DSTYK: variants seen among roughly 807,000 people sequenced by gnomAD.
The protein encoded by DSTYK is RIP-homologous kinase.
A neutral mutation model predicts 98.7 loss-of-function variants in DSTYK; 34 were observed. The observed-to-expected ratio is 0.34, with a 90% CI of 0.26 to 0.46. The LOEUF (loss-of-function observed/expected upper bound fraction) is 0.46, where lower values mean the gene tolerates loss of function less well. Ranked by LOEUF, DSTYK falls within the 20% of genes least tolerant of loss-of-function variation. DSTYK has a pLI of 1.00. For synonymous variants in DSTYK, 462 were observed against 457.3 expected (o/e 1.01, Z -0.13); for missense variants, 962 against 1,181.7 (o/e 0.81, Z 2.73).
intron 10 of DSTYK, among the ~76,000 whole-genome samples, chr1:205,156,831 T>G (rs1014817211): frequency 6.6e-6 from 1 of 152,162 alleles, no homozygotes; most frequent in Non-Finnish European, 1.5e-5. Flanking sequence ...AAATCTCATC[T>G]TGAATTGTAG....
intron 1 of DSTYK, among the ~76,000 whole-genome samples, chr1:205,204,806 T>C (rs994600797): frequency 2.0e-5 from 3 of 152,222 alleles, no homozygotes; most frequent in African/African-American, 7.2e-5. Context: ...TCTATCTCTA[T>C]GAATTTGCCT....
intron 2 of DSTYK, among the ~76,000 whole-genome samples, chr1:205,182,553 C>G (rs1311082067): frequency 7.2e-6 from 1 of 139,472 alleles, no homozygotes; most frequent in African/African-American, 2.6e-5. Flanking sequence ...CGCCTGTAAT[C>G]CCGGCACTTT....
intron 8 of DSTYK, 75 bp from the exon 9 acceptor site, chr1:205,159,754 C>T: frequency 6.3e-7 from 1 of 1,578,910 alleles, no homozygotes; most frequent in Non-Finnish European, 8.6e-7. Flanking sequence ...ATGTATGAGA[C>T]AATAATTTCC....
chr1:205,209,480 AG>A, intron 1 of DSTYK, among the ~76,000 whole-genome samples: 1 of 85,218 alleles, frequency 1.2e-5, no homozygotes, highest in Non-Finnish European at 3.3e-5. Context: ...GTCAAAGACT[AG>A]TTTCAGAAAA....
In DSTYK at chr1:205,147,607, C is replaced by CA; in HGVS notation, c.2740dup (p.Cys914LeufsTer6). 1.2e-6 allele frequency: 2 copies of CA among 1,613,872 alleles called. 1 individual carries two copies. The highest frequency in any genetic ancestry group is 2.2e-5 in the South Asian group (2 of 91,084). Reference sequence around the variant, plus strand: ...GTTTGGCTGCTCAGAATTGGACTTGCAGAGCCGATTCATGATGCCCTGGAG... The same window carrying CA: ...GTTTGGCTGCTCAGAATTGGACTTGCAAGAGCCGATTCATGATGCCCTGGAG... On this transcript the variant is annotated frameshift_variant, in exon 13 of 13. Coordinates refer to ENST00000367162, the MANE Select transcript of DSTYK (RefSeq NM_015375.3). LOFTEE classifies it high-confidence loss of function.
intron 2 of DSTYK, among the ~76,000 whole-genome samples, chr1:205,186,803 G>C (rs1243812072): frequency 1.3e-5 from 2 of 152,176 alleles, no homozygotes; most frequent in Admixed American, 6.5e-5. Flanking sequence ...CTCTCTTTGG[G>C]AGTTTATGAG....
chr1:205,149,191 G>A (rs942174635), intron 11 of DSTYK, among the ~76,000 whole-genome samples: 7 of 151,646 alleles, frequency 4.6e-5, no homozygotes, highest in African/African-American at 1.2e-4. Context: ...ATGAGCCACC[G>A]CACCTGGCCG....
chr1:205,174,751 T>TC (rs1441898379), intron 2 of DSTYK, among the ~76,000 whole-genome samples: 1 of 150,250 alleles, frequency 6.7e-6, no homozygotes, highest in Non-Finnish European at 1.5e-5. Flanking sequence ...TTTTTTTTTT[T>TC]TTTTGAGACG....
At chr1:205,182,341 G>T (rs1658432442) in intron 2 of DSTYK, among the ~76,000 whole-genome samples, 3 of 151,874 alleles carry the variant, frequency 2.0e-5, no homozygotes, top group Middle Eastern at 3.4e-3. Context: ...AGTGAGCCAA[G>T]ATCGTACCAC....
rs1295947924 is a variant in DSTYK at position 205,193,463 on chromosome 1, G to T, written c.266-5657C>A. On this transcript the variant is annotated intron_variant, in intron 1 of 12. Coordinates refer to ENST00000367162, the MANE Select transcript of DSTYK (RefSeq NM_015375.3). ...ACTTTGAACTAAAGGAGATTGGAAG[G>T]CTTCAGAAGCAAGGTTGCTCTCTGA... Among the ~76,000 whole-genome samples the T allele has an allele frequency of 2.0e-5, 3 of 152,146 alleles. No individual in the cohort carries two copies. The South Asian group carries it at 6.2e-4, about 32-fold the overall frequency.
rs1657375704 is a variant in DSTYK, at chr1:205,150,668, C to T, written c.2467+12G>A. The T allele has an allele frequency of 1.2e-6, 2 of 1,607,910 alleles. No individual in the cohort carries two copies. Among genetic ancestry groups the T allele is most frequent in the Admixed American group, 1.7e-5 (1 of 59,926 alleles). On this transcript the variant is annotated intron_variant, in intron 11 of 12. Coordinates refer to ENST00000367162, the MANE Select transcript of DSTYK (RefSeq NM_015375.3). The surrounding 1 kb of genome is among the most constrained non-coding windows in gnomAD (Gnocchi z 4.1). ...GCCCTGCCCAGACCCACTGCCTGCC[C>T]TCCAGCCTTACCTGTGAAAAGTTCA... is the stretch of plus-strand genomic sequence containing the variant.
intron 1 of DSTYK, among the ~76,000 whole-genome samples, chr1:205,188,577 T>C (rs1335280688): frequency 6.6e-6 from 1 of 152,220 alleles, no homozygotes; most frequent in Non-Finnish European, 1.5e-5. Flanking sequence ...CAAGATGCCA[T>C]CATGCAGCAC....
chr1:205,162,816 C>A (rs1657771768), intron 5 of DSTYK, 107 bp downstream of exon 5: 3 of 861,472 alleles, frequency 3.5e-6, no homozygotes, highest in Non-Finnish European at 5.9e-6. Context: ...CAAATGGTCA[C>A]CCTGCCTTAA....
At chr1:205,193,328 T>C (rs1054046190) in intron 1 of DSTYK, among the ~76,000 whole-genome samples, 11 of 152,192 alleles carry the variant, frequency 7.2e-5, no homozygotes, top group African/African-American at 2.7e-4. Flanking sequence ...AAATTGTTTT[T>C]GGGGTAATGT....
Position 205,169,493 on chromosome 1 carries a change from T to A in DSTYK, c.994A>T (p.Met332Leu). The A allele has an allele frequency of 6.2e-7, 1 of 1,614,128 alleles. No homozygotes were observed. ...APGQDTKAQS[M>L]LVEQSEKLRH... ...AGCTTTTCACTCTGTTCCACCAACA[T>A]GCTCTGAGCTTTAGTATCCTGGCCA... The change falls in exon 3 of 13, where the codon ATG becomes TTG. Residue 332 changes from methionine to leucine, a missense_variant. By Grantham distance (15) the Met-to-Leu change is conservative (BLOSUM62 2). Around this residue, in one of 4 missense-constraint regions of DSTYK, gnomAD observed 660 missense variants for 855.0 expected, o/e 0.77. Coordinates refer to ENST00000367162, the MANE Select transcript of DSTYK (RefSeq NM_015375.3). The surrounding 1 kb of genome is among the most constrained non-coding windows in gnomAD (Gnocchi z 4.0).
At chr1:205,178,467 A>G (rs1658299099) in intron 2 of DSTYK, among the ~76,000 whole-genome samples, 1 of 152,062 alleles carries the variant, frequency 6.6e-6, no homozygotes, top group Non-Finnish European at 1.5e-5. Flanking sequence ...TCTAGAATGG[A>G]GAAGAGGGAA....
At chr1:205,159,439 C>G in intron 9 of DSTYK, 108 bp downstream of exon 9, 3 of 1,316,066 alleles carry the variant, frequency 2.3e-6, no homozygotes, top group Non-Finnish European at 3.1e-6. Context: ...CCTAATTACT[C>G]CAACAATCTC....
intron 10 of DSTYK, among the ~76,000 whole-genome samples, chr1:205,153,692 G>GTAAC (rs1407408263): frequency 3.5e-5 from 1 of 28,838 alleles, no homozygotes; most frequent in Admixed American, 4.1e-4. Flanking sequence ...AATGTTTTCT[G>GTAAC]TAACTTACTT....
At chr1:205,163,383 C>A (rs1331344992) in intron 4 of DSTYK, among the ~76,000 whole-genome samples, 1 of 152,068 alleles carries the variant, frequency 6.6e-6, no homozygotes, top group East Asian at 1.9e-4. Flanking sequence ...CCACGCCCAG[C>A]TAATTTTGTA....
Sources: allele counts gnomAD v4.1 joint callset (sites outside exome capture counted in the v4.1 genomes callset), GRCh38; gene constraint gnomAD v4.1.1; regional missense constraint gnomAD v4.1.1; non-coding constraint Gnocchi (gnomAD v3.1); transcripts MANE v1.5; gene names NCBI Gene and HGNC (gene_info 2026-07-23, HGNC 2026-07-21).